EIF3L: variants seen among roughly 807,000 people sequenced by gnomAD.
EIF3L encodes eIEF associated protein HSPC021.
A neutral mutation model predicts 74.6 loss-of-function variants in EIF3L; 32 were observed. The ratio of observed to expected loss-of-function variants is 0.43; its 90% CI spans 0.32 to 0.58. The LOEUF is 0.58. Among genes scored for constraint, EIF3L ranks in the 20% least tolerant of loss-of-function variants. The pLI is 0.06. For synonymous variants in EIF3L, 256 were observed against 254.4 expected, an observed-to-expected ratio of 1.01 and a Z score of -0.06; for missense variants, 474 against 707.8, an observed-to-expected ratio of 0.67 and a Z score of 3.75.
At chr22:37,874,571 A>G (rs186652129) in intron 9 of EIF3L, 47 bp downstream of exon 9, 109 of 1,591,294 alleles carry the variant, frequency 6.8e-5, no homozygotes, top group Non-Finnish European at 8.4e-5. Context: ...CAGAATATCT[A>G]TTTCTAGAGA....
At chr22:37,858,200 A>G (rs1052915454) in intron 4 of EIF3L, among the ~76,000 whole-genome samples, 1 of 144,078 alleles carries the variant, frequency 6.9e-6, no homozygotes, top group Non-Finnish European at 1.5e-5. Context: ...ACATTCTGAA[A>G]TTAATATTTT....
rs577393286 is a variant in EIF3L at position 37,870,068 on chromosome 22, A to C, written c.580-108A>C. ...AATGAGAAGTGGTCATCTCACCCTCACCTTGCCCCATCCAGAGCCAGAGCA... is the reference window on the plus strand; with the variant it reads ...AATGAGAAGTGGTCATCTCACCCTCCCCTTGCCCCATCCAGAGCCAGAGCA... On this transcript the variant is annotated intron_variant, in intron 7 of 12. Transcript: ENST00000652021. 59 of 941,698 alleles carry C rather than the reference A, an allele frequency of 6.3e-5. No individual in the cohort carries two copies. The East Asian group carries it at 1.4e-3, about 23-fold the overall frequency. 58.3% of individuals were successfully genotyped at this position (941,698 alleles called of 1,614,324 possible).
chr22:37,874,230 C>A, intron 8 of EIF3L, 140 bp from the exon 9 acceptor site: 2 of 833,308 alleles, frequency 2.4e-6, no homozygotes, highest in South Asian at 4.0e-5. Context: ...CTTGGTATTC[C>A]TTTGAAGTTA....
chr22:37,859,108 C>T (rs1925701219), intron 5 of EIF3L, among the ~76,000 whole-genome samples: 1 of 151,534 alleles, frequency 6.6e-6, no homozygotes, highest in Non-Finnish European at 1.5e-5. Context: ...CTGAGATGTA[C>T]ATAACACTGT....
chr22:37,858,658 C>T (rs1925673426), intron 4 of EIF3L, 21 bp from the exon 5 acceptor site: 8 of 1,607,944 alleles, frequency 5.0e-6, no homozygotes, highest in Non-Finnish European at 5.1e-6. Flanking sequence ...TAGTGAAGCA[C>T]CCTTCTGCCA....
Position 37,877,965 on chromosome 22 carries a change from C to T in EIF3L, c.1369C>T (p.Leu457Phe). 6.2e-7 allele frequency: 1 copy of T among 1,612,560 alleles called. No individual in the cohort carries two copies. Among genetic ancestry groups the T allele is most frequent in the South Asian group, 1.1e-5 (1 of 91,012 alleles). The change falls in exon 11 of 13, where the codon CTT (leucine) becomes TTT (phenylalanine). Residue 457 changes from leucine to phenylalanine, a missense_variant. By Grantham distance (22) the Leu-to-Phe change is conservative (BLOSUM62 0). Coordinates refer to ENST00000652021, the MANE Select transcript of EIF3L (RefSeq NM_016091.4). ...FSDEVQQQAQ[L>F]STIRSFLKLY... ...TGATGAAGTACAGCAGCAGGCCCAG[C>T]TTTCAACCATCCGCAGCTTCCTGAA...
rs929875032 is a variant in EIF3L at position 37,851,192 on chromosome 22, A to T, written c.83-88A>T. ...CAAAAGGGAATTTTACGCAGACCTG[A>T]GTTTAGTTTCTGGGGTGGTCTTGCC... is the stretch of plus-strand genomic sequence containing the variant. On this transcript the variant is annotated intron_variant, in intron 2 of 12. Coordinates refer to ENST00000652021, the MANE Select transcript of EIF3L (RefSeq NM_016091.4). 94 of 1,058,110 alleles carry T rather than the reference A, an allele frequency of 8.9e-5. 2 individuals are homozygous for T. In the South Asian group the frequency reaches 1.2e-3, roughly 14 times the overall value. The allele number at this position is 1,058,110 out of a possible 1,614,324, so 65.5% of individuals were successfully genotyped here. A position where few individuals can be genotyped will look rare whatever the true frequency, so the allele number is the denominator to read the frequency against.
chr22:37,873,190 T>C (rs1221451704), intron 8 of EIF3L, among the ~76,000 whole-genome samples: 3 of 151,850 alleles, frequency 2.0e-5, no homozygotes, highest in African/African-American at 4.8e-5. Context: ...GGCTTCACCA[T>C]GTTGGGCAGG....
At chr22:37,859,342 C>A (rs183289665) in intron 5 of EIF3L, among the ~76,000 whole-genome samples, 1 of 144,978 alleles carries the variant, frequency 6.9e-6, no homozygotes, top group East Asian at 2.1e-4. Context: ...TCTGTTCTTC[C>A]CGACTTCTAA....
intron 5 of EIF3L, among the ~76,000 whole-genome samples, chr22:37,860,162 A>G (rs1601760019): frequency 6.6e-6 from 1 of 152,216 alleles, no homozygotes; most frequent in Non-Finnish European, 1.5e-5. Flanking sequence ...GAAGCTTAAC[A>G]CATCTAAAAC....
chr22:37,854,115 A>G (rs1925371205), intron 3 of EIF3L, among the ~76,000 whole-genome samples: 1 of 152,228 alleles, frequency 6.6e-6, no homozygotes, highest in Non-Finnish European at 1.5e-5. Flanking sequence ...CTTAAGAAGT[A>G]TGTTTCTTTA....
At chr22:37,881,223 A>T (rs537583570) in intron 11 of EIF3L, 1 of 152,174 alleles carries the variant, frequency 6.6e-6, no homozygotes, top group South Asian at 2.1e-4. Context: ...TTAATGTCTG[A>T]TGAGATTTTC....
intron 11 of EIF3L, chr22:37,882,465 G>A (rs2145841934): frequency 6.6e-6 from 1 of 152,060 alleles, no homozygotes; most frequent in Middle Eastern, 3.4e-3. Flanking sequence ...TCAGAGGTCA[G>A]GAGTTCAAGA....
intron 10 of EIF3L, 21 bp from the exon 11 acceptor site, chr22:37,877,653 C>T: frequency 6.3e-7 from 1 of 1,575,358 alleles, no homozygotes; most frequent in Non-Finnish European, 8.6e-7. Flanking sequence ...GACCCAGTAC[C>T]ACTCTCCACC....
intron 10 of EIF3L, 192 bp downstream of exon 10, chr22:37,876,203 C>CA (rs1413426660): frequency 3.0e-5 from 17 of 567,264 alleles, no homozygotes; most frequent in African/African-American, 5.7e-5. Context: ...AGTCACAGCT[C>CA]ACGTCAGCCT....
At chr22:37,873,826 TTGC>T (rs1417412888) in intron 8 of EIF3L, among the ~76,000 whole-genome samples, 1 of 152,110 alleles carries the variant, frequency 6.6e-6, no homozygotes, top group Non-Finnish European at 1.5e-5. Context: ...GCCTCTCAAG[TTGC>T]TGGGATTAGA....
rs1173262486 is a variant in EIF3L at position 37,870,359 on chromosome 22, A to G, written c.751+12A>G. 1 of 1,589,476 alleles carries G rather than the reference A, an allele frequency of 6.3e-7. No individual in the cohort carries two copies. Among genetic ancestry groups the G allele is most frequent in the Non-Finnish European group, 8.6e-7 (1 of 1,165,500 alleles). On this transcript the variant is annotated intron_variant, in intron 8 of 12. Coordinates refer to ENST00000652021, the MANE Select transcript of EIF3L (RefSeq NM_016091.4). ...ATACACAAGCGGAGGTGAGTGCAGC[A>G]GGCCGACAGCCGTGGCCTGCGAATT...
intron 11 of EIF3L, chr22:37,886,561 C>T (rs1927330608): frequency 1.7e-5 from 6 of 345,804 alleles, no homozygotes; most frequent in South Asian, 1.6e-4. Context: ...GAGCAAAACT[C>T]CATCTCAAAA....
chr22:37,880,362 C>T (rs747391334), intron 11 of EIF3L: 2 of 152,204 alleles, frequency 1.3e-5, no homozygotes, highest in African/African-American at 2.4e-5. Flanking sequence ...ATCCACCCAC[C>T]TCGGCCTACC....
Sources: allele counts gnomAD v4.1 joint callset (sites outside exome capture counted in the v4.1 genomes callset), GRCh38; gene constraint gnomAD v4.1.1; transcripts MANE v1.5; gene names NCBI Gene and HGNC (gene_info 2026-07-23, HGNC 2026-07-21).